Variants in NCOA1 observed in about 807,000 individuals in gnomAD.
The protein encoded by NCOA1 is nuclear receptor coactivator 1, also known as Hin-2 protein.
Under a neutral mutation model 150.9 loss-of-function variants are expected in NCOA1, and 35 were observed. That is an observed-to-expected ratio of 0.23 (90% CI 0.18 to 0.31). The LOEUF is 0.31. NCOA1 is among the 10% of genes least tolerant of loss of function. The pLI is 1.00. For missense variants in NCOA1, 1,491 were observed against 1,749.3 expected (o/e 0.85, Z 2.63); for synonymous variants, 590 against 630.0 (o/e 0.94, Z 0.95).
intron 2 of NCOA1, among the ~76,000 whole-genome samples, chr2:24,566,066 G>T (rs1316451858): frequency 6.6e-6 from 1 of 152,196 alleles, no homozygotes; most frequent in Non-Finnish European, 1.5e-5. Context: ...TCCTGTTTGT[G>T]TTACAACTTT....
At chr2:24,502,482 T>A (rs1368010951) in intron 1 of NCOA1, among the ~76,000 whole-genome samples, 1 of 152,256 alleles carries the variant, frequency 6.6e-6, no homozygotes, top group Admixed American at 6.5e-5. Context: ...TCCCAAATTT[T>A]GATTCGGAAT....
At chr2:24,720,447 A>G (rs56082276) in intron 14 of NCOA1, among the ~76,000 whole-genome samples, 6,010 of 152,288 alleles carry the variant, frequency 0.039, 185 homozygotes, top group Non-Finnish European at 0.059. Flanking sequence ...TTCTCCCTTG[A>G]GGCTTCCCCT....
At chr2:24,613,021 T>C (rs1273120657) in intron 3 of NCOA1, among the ~76,000 whole-genome samples, 1 of 152,150 alleles carries the variant, frequency 6.6e-6, no homozygotes, top group Non-Finnish European at 1.5e-5. Context: ...GCACTTTTGA[T>C]TTTTGTAATT....
At chr2:24,744,409 C>T (rs1663781629) in intron 19 of NCOA1, among the ~76,000 whole-genome samples, 1 of 152,140 alleles carries the variant, frequency 6.6e-6, no homozygotes, top group African/African-American at 2.4e-5. Context: ...CAAAATAATA[C>T]TGGAAAAATG....
chr2:24,552,619 C>T (rs1460259480), intron 1 of NCOA1, among the ~76,000 whole-genome samples: 4 of 151,752 alleles, frequency 2.6e-5, no homozygotes, highest in African/African-American at 9.7e-5. Flanking sequence ...CCTGCCTTGG[C>T]CTCCCAAAGT....
At chr2:24,720,539 A>T (rs1674307778) in intron 14 of NCOA1, among the ~76,000 whole-genome samples, 1 of 152,216 alleles carries the variant, frequency 6.6e-6, no homozygotes, top group Non-Finnish European at 1.5e-5. Context: ...GCAAAGGCCA[A>T]GAGCATAGAG....
rs148118845 is a variant in NCOA1 at position 24,589,630 on chromosome 2, GGTGTGTGTGTGT to G, written c.-175+5093_-175+5104del. ...GCATAGGGAGAGGAAAGAGGTTGGT[GGTGTGTGTGTGT>G]GTGTGTGTGTGTGTGTGTGTGTATG... On this transcript the variant is annotated intron_variant, in intron 3 of 22. Coordinates refer to ENST00000348332, the MANE Select transcript of NCOA1 (RefSeq NM_003743.5). Among the ~76,000 whole-genome samples the G allele has an allele frequency of 7.6e-3, 1,125 of 147,550 alleles. 11 individuals carry two copies. The highest frequency in any genetic ancestry group is 0.026 in the African/African-American group (1,064 of 40,278).
intron 1 of NCOA1, among the ~76,000 whole-genome samples, chr2:24,519,652 C>CAAAAA (rs1014874055): frequency 2.8e-5 from 2 of 72,298 alleles, no homozygotes; most frequent in Non-Finnish European, 5.4e-5. Flanking sequence ...CCTGTCTCTA[C>CAAAAA]AAAAAAAAAA....
At chr2:24,638,260 A>G (rs1388262575) in intron 3 of NCOA1, among the ~76,000 whole-genome samples, 2 of 94,908 alleles carry the variant, frequency 2.1e-5, no homozygotes, top group African/African-American at 4.0e-5. Context: ...TTCCTGGCTT[A>G]TTTCACTTAA....
chr2:24,554,648 C>G (rs1018055107), intron 1 of NCOA1: 1 of 152,240 alleles, frequency 6.6e-6, no homozygotes, highest in Non-Finnish European at 1.5e-5. Context: ...CTCTTCCAGC[C>G]TCACACGACA....
At chr2:24,610,484 T>C (rs1668574317) in intron 3 of NCOA1, among the ~76,000 whole-genome samples, 1 of 152,036 alleles carries the variant, frequency 6.6e-6, no homozygotes, top group Admixed American at 6.6e-5. Context: ...TGTGTAACAG[T>C]TCACTGACTC....
chr2:24,714,507 AAG>A (rs1673919852), intron 14 of NCOA1, among the ~76,000 whole-genome samples: 1 of 152,106 alleles, frequency 6.6e-6, no homozygotes, highest in African/African-American at 2.4e-5. Context: ...TACAAAAAAA[AAG>A]AGCCAAATAG....
At chr2:24,764,744 C>G (rs1035801512) in intron 22 of NCOA1, among the ~76,000 whole-genome samples, 3 of 152,160 alleles carry the variant, frequency 2.0e-5, no homozygotes, top group Non-Finnish European at 4.4e-5. Context: ...GAAGAGTCAT[C>G]CCTGAAAGGG....
At chr2:24,574,914 T>C (rs935510181) in intron 2 of NCOA1, among the ~76,000 whole-genome samples, 2 of 152,170 alleles carry the variant, frequency 1.3e-5, no homozygotes, top group African/African-American at 2.4e-5. Flanking sequence ...TTAACATTTC[T>C]TTCCCCCCAA....
chr2:24,540,760 G>C (rs117145087), intron 1 of NCOA1, among the ~76,000 whole-genome samples: 1 of 152,302 alleles, frequency 6.6e-6, no homozygotes, highest in East Asian at 1.9e-4. Flanking sequence ...CACCTGGCCA[G>C]AACTGGCCCT....
At chr2:24,734,277 T>C (rs1025132616) in intron 17 of NCOA1, among the ~76,000 whole-genome samples, 1 of 150,520 alleles carries the variant, frequency 6.6e-6, no homozygotes, top group African/African-American at 2.4e-5. Context: ...CAAAAAAAAA[T>C]ACTCATGAAA....
intron 3 of NCOA1, among the ~76,000 whole-genome samples, chr2:24,599,901 T>C (rs184332733): frequency 6.6e-6 from 1 of 152,120 alleles, no homozygotes; most frequent in East Asian, 1.9e-4. Context: ...CGGCAAATTT[T>C]TGTATTTTTA....
chr2:24,741,745 A>G, intron 18 of NCOA1, 39 bp from the exon 19 acceptor site: 1 of 1,567,504 alleles, frequency 6.4e-7, no homozygotes, highest in Non-Finnish European at 8.6e-7. Flanking sequence ...GATAGTGATT[A>G]TAATAATTTT....
In NCOA1 at chr2:24,572,408, C is replaced by G. The variant is rs1307982936; in HGVS notation, c.-260+7978C>G. ...GGGAACAATTTAGGGAAAATGTGACCTGTCCCAACTTCTTGAGTGTTTTGG... is the reference window on the plus strand; with the variant it reads ...GGGAACAATTTAGGGAAAATGTGACGTGTCCCAACTTCTTGAGTGTTTTGG... On this transcript the variant is annotated intron_variant, in intron 2 of 22. Transcript: ENST00000348332. 2.0e-4 allele frequency among the ~76,000 whole-genome samples: 31 copies of G among 152,124 alleles called. 1 individual carries two copies. Among genetic ancestry groups the G allele is most frequent in the Admixed American group, 2.0e-3 (31 of 15,278 alleles).
Sources: allele counts gnomAD v4.1 joint callset (sites outside exome capture counted in the v4.1 genomes callset), GRCh38; gene constraint gnomAD v4.1.1; transcripts MANE v1.5; gene names NCBI Gene and HGNC (gene_info 2026-07-23, HGNC 2026-07-21).